NOL4: variants seen among roughly 807,000 people sequenced by gnomAD.
The protein encoded by NOL4 is cancer/testis antigen 125.
In NOL4, 17 loss-of-function variants were observed where a neutral mutation model predicts 75.9. That is an observed-to-expected ratio of 0.22 (90% confidence interval 0.15 to 0.34). The LOEUF is 0.34. NOL4 is among the 10% of genes least tolerant of loss of function. NOL4 has a pLI of 1.00. For synonymous variants in NOL4, 292 were observed against 289.9 expected, an observed-to-expected ratio of 1.01 and a Z score of -0.07; for missense variants, 614 against 793.5, an observed-to-expected ratio of 0.77 and a Z score of 2.72.
chr18:33,994,119 C>T (rs1013878965), intron 6 of NOL4, among the ~76,000 whole-genome samples: 4 of 151,438 alleles, frequency 2.6e-5, no homozygotes, highest in Non-Finnish European at 5.9e-5. Flanking sequence ...CTATATGAAC[C>T]TAATAATACA....
intron 5 of NOL4, among the ~76,000 whole-genome samples, chr18:34,075,265 A>G (rs1008390196): frequency 1.3e-5 from 2 of 152,220 alleles, no homozygotes; most frequent in Admixed American, 6.5e-5. Flanking sequence ...CCTTGTATAC[A>G]GAGCCTGAAG....
intron 1 of NOL4, among the ~76,000 whole-genome samples, chr18:34,146,121 T>C (rs1305372925): frequency 1.3e-5 from 2 of 152,104 alleles, no homozygotes; most frequent in Admixed American, 6.6e-5. Context: ...GGACTTTCCA[T>C]TGCATCCCTT....
chr18:34,009,077 T>C (rs1399029617), intron 6 of NOL4, among the ~76,000 whole-genome samples: 1 of 151,626 alleles, frequency 6.6e-6, no homozygotes, highest in Non-Finnish European at 1.5e-5. Context: ...TTTTTTTTTT[T>C]CTAGCTGAGG....
chr18:34,221,913 G>T, intron 1 of NOL4: 1 of 906,592 alleles, frequency 1.1e-6, no homozygotes, highest in Non-Finnish European at 1.7e-6. Flanking sequence ...ACAGTTGCCA[G>T]TACAGGAGGG....
At chr18:33,929,801 C>A (rs2067569723) in intron 9 of NOL4, among the ~76,000 whole-genome samples, 1 of 152,068 alleles carries the variant, frequency 6.6e-6, no homozygotes, top group Non-Finnish European at 1.5e-5. Context: ...TCCTACTAAT[C>A]ATATTCCTTG....
intron 9 of NOL4, among the ~76,000 whole-genome samples, chr18:33,905,692 T>C (rs2065994480): frequency 1.3e-5 from 2 of 152,192 alleles, no homozygotes; most frequent in South Asian, 4.1e-4. Flanking sequence ...ATAGGGTATA[T>C]AGAGTACAAC....
chr18:33,974,232 A>C (rs1035583421), intron 6 of NOL4, among the ~76,000 whole-genome samples: 2 of 152,132 alleles, frequency 1.3e-5, no homozygotes, highest in East Asian at 3.9e-4. Flanking sequence ...ACTAGCTTCC[A>C]ACTTTTCTCT....
chr18:34,147,388 C>T (rs1179199539), intron 1 of NOL4, among the ~76,000 whole-genome samples: 1 of 152,058 alleles, frequency 6.6e-6, no homozygotes, highest in Non-Finnish European at 1.5e-5. Flanking sequence ...GAGATACATT[C>T]CATCAATACC....
intron 6 of NOL4, among the ~76,000 whole-genome samples, chr18:33,968,024 T>C (rs1400672290): frequency 3.3e-5 from 5 of 152,042 alleles, no homozygotes; most frequent in African/African-American, 1.2e-4. Context: ...AGGCTGAGGT[T>C]GCAGTGAGCC....
intron 10 of NOL4, among the ~76,000 whole-genome samples, chr18:33,877,827 T>C (rs2064018495): frequency 3.5e-5 from 2 of 57,368 alleles, no homozygotes. Context: ...GTTGTGTGAT[T>C]GTGTGTGTGT....
intron 6 of NOL4, among the ~76,000 whole-genome samples, chr18:33,973,506 G>A (rs139091822): frequency 1.7e-3 from 253 of 152,162 alleles, no homozygotes; most frequent in African/African-American, 5.6e-3. Flanking sequence ...TATTCTTTCC[G>A]GAAGGTTTTC....
chr18:34,143,466 A>G (rs1668098814), intron 1 of NOL4, among the ~76,000 whole-genome samples: 1 of 152,034 alleles, frequency 6.6e-6, no homozygotes. Flanking sequence ...GGCAAATAAA[A>G]CTCCATACAA....
intron 6 of NOL4, among the ~76,000 whole-genome samples, chr18:34,009,966 G>A (rs181817450): frequency 2.0e-4 from 30 of 151,948 alleles, no homozygotes; most frequent in South Asian, 6.2e-4. Context: ...CTGGCACATA[G>A]TATACAAGTA....
At chr18:33,870,094 T>C (rs1351846310) in intron 10 of NOL4, among the ~76,000 whole-genome samples, 1 of 152,124 alleles carries the variant, frequency 6.6e-6, no homozygotes, top group Non-Finnish European at 1.5e-5. Context: ...ACATGAGGTT[T>C]TGAAGTACAC....
chr18:34,077,128 A>T (rs1227859433), intron 5 of NOL4, among the ~76,000 whole-genome samples: 1 of 152,202 alleles, frequency 6.6e-6, no homozygotes, highest in East Asian at 1.9e-4. Context: ...CAACATGGTG[A>T]AACCCGGTCT....
At chr18:33,934,267 G>A (rs561188263) in intron 9 of NOL4, among the ~76,000 whole-genome samples, 93 of 152,158 alleles carry the variant, frequency 6.1e-4, no homozygotes, top group Non-Finnish European at 1.1e-3. Context: ...TGGAACACAG[G>A]CAGAGTAGAT....
chr18:34,109,423 G>A (rs1415887548), intron 2 of NOL4, among the ~76,000 whole-genome samples: 1 of 152,150 alleles, frequency 6.6e-6, no homozygotes, highest in Non-Finnish European at 1.5e-5. Flanking sequence ...GGAGGCTGAG[G>A]TGGGAGGATA....
At chr18:34,064,352 C>T (rs910782623) in intron 5 of NOL4, among the ~76,000 whole-genome samples, 2 of 151,938 alleles carry the variant, frequency 1.3e-5, no homozygotes, top group African/African-American at 4.8e-5. Context: ...TGCAGTTGTA[C>T]TCGTTGTATT....
intron 1 of NOL4, among the ~76,000 whole-genome samples, chr18:34,150,517 C>G (rs1411946232): frequency 1.3e-5 from 2 of 151,644 alleles, no homozygotes; most frequent in African/African-American, 4.8e-5. Context: ...CATTGCAGAA[C>G]AGCTGGATAT....
Sources: allele counts gnomAD v4.1 joint callset (sites outside exome capture counted in the v4.1 genomes callset), GRCh38; gene constraint gnomAD v4.1.1; transcripts MANE v1.5; gene names NCBI Gene and HGNC (gene_info 2026-07-23, HGNC 2026-07-21).